NUP133: variants seen among roughly 807,000 people sequenced by gnomAD.
NUP133 encodes nucleoporin 133, also known as nuclear pore complex protein Nup133.
NUP133 carries 66 observed loss-of-function variants against 146.2 expected under a neutral mutation model. The observed-to-expected ratio is 0.45, with a 90% CI of 0.37 to 0.55. The LOEUF (loss-of-function observed/expected upper bound fraction) is 0.55, where lower values mean the gene tolerates loss of function less well. Ranked by LOEUF, NUP133 falls within the 20% of genes least tolerant of loss-of-function variation. The pLI is 0.00. For missense variants in NUP133, 1,277 were observed against 1,374.8 expected, an observed-to-expected ratio of 0.93 and a Z score of 1.12; for synonymous variants, 521 against 498.8, an observed-to-expected ratio of 1.04 and a Z score of -0.59.
chr1:229,445,076 A>T, intron 24 of NUP133, 74 bp from the exon 25 acceptor site: 1 of 1,140,458 alleles, frequency 8.8e-7, no homozygotes, highest in Non-Finnish European at 1.3e-6. Context: ...GTTTGCTATC[A>T]TGGTTTTATT....
At chr1:229,447,408 T>C (rs1660324579) in intron 24 of NUP133, among the ~76,000 whole-genome samples, 1 of 152,126 alleles carries the variant, frequency 6.6e-6, no homozygotes, top group South Asian at 2.1e-4. Flanking sequence ...TATTTGGTCT[T>C]CTTCTTCACC....
chr1:229,471,249 A>T (rs183456329), intron 14 of NUP133, among the ~76,000 whole-genome samples: 1 of 152,112 alleles, frequency 6.6e-6, no homozygotes, highest in Non-Finnish European at 1.5e-5. Context: ...CCTCCCAAGC[A>T]GCACGCCACC....
At chr1:229,467,878 T>C (rs911131793) in intron 15 of NUP133, among the ~76,000 whole-genome samples, 1 of 151,200 alleles carries the variant, frequency 6.6e-6, no homozygotes, top group African/African-American at 2.4e-5. Flanking sequence ...TGAGCAGAGA[T>C]TGTGTCACTG....
intron 5 of NUP133, 23 bp downstream of exon 5, chr1:229,499,661 A>T (rs1352304350): frequency 1.3e-6 from 2 of 1,585,508 alleles, no homozygotes; most frequent in Non-Finnish European, 1.7e-6. Flanking sequence ...TCCAATAAAT[A>T]TAAAGGAATA....
chr1:229,462,853 G>T (rs1660723710), intron 19 of NUP133, among the ~76,000 whole-genome samples: 1 of 152,100 alleles, frequency 6.6e-6, no homozygotes, highest in Non-Finnish European at 1.5e-5. Context: ...GGCTGGCTGG[G>T]AACTTTGTTT....
rs542990991 is a variant in NUP133 at position 229,490,882 on chromosome 1, T to C, written c.1047-780A>G. 3.2e-3 allele frequency among the ~76,000 whole-genome samples: 466 copies of C among 147,652 alleles called. 4 individuals are homozygous for C. Among genetic ancestry groups the C allele is most frequent in the Non-Finnish European group, 3.6e-3 (244 of 67,178 alleles). On this transcript the variant is annotated intron_variant, in intron 8 of 25. Transcript: ENST00000261396. ...CAGAAGAACTCTTGAACCCGGGAGG[T>C]GGAGGTTGCAGTGAGCTGAGATCGC...
At chr1:229,492,561 G>A (rs963873874) in intron 8 of NUP133, among the ~76,000 whole-genome samples, 1 of 151,854 alleles carries the variant, frequency 6.6e-6, no homozygotes, top group South Asian at 2.1e-4. Flanking sequence ...CCTTCTTCAC[G>A]GTTCTCTTCC....
chr1:229,478,934 G>T (rs1661142957), intron 12 of NUP133, among the ~76,000 whole-genome samples: 2 of 152,150 alleles, frequency 1.3e-5, no homozygotes. Context: ...CTGCAGAAAG[G>T]AAAAGACAGG....
In NUP133 at chr1:229,452,505, A is replaced by G. The variant is rs1361557243; in HGVS notation, c.3099+20T>C. ...GTTTTGAGTTTAAGAAATAGCGTTAAGGATTTGAAAAGCACATACACCAAT... is the reference window on the plus strand; with the variant it reads ...GTTTTGAGTTTAAGAAATAGCGTTAGGGATTTGAAAAGCACATACACCAAT... On this transcript the variant is annotated intron_variant, in intron 22 of 25. Coordinates refer to ENST00000261396, the MANE Select transcript of NUP133 (RefSeq NM_018230.3). 1 of 1,577,614 alleles carries G rather than the reference A, an allele frequency of 6.3e-7. No individual in the cohort carries two copies. The highest frequency in any genetic ancestry group is 8.7e-7 in the Non-Finnish European group (1 of 1,149,522).
Position 229,498,324 on chromosome 1 carries a change from GAGGTT to G in NUP133, c.649-23_649-19del. 1 of 1,557,872 alleles carries G rather than the reference GAGGTT, an allele frequency of 6.4e-7. No homozygotes were observed. Among genetic ancestry groups the G allele is most frequent in the Non-Finnish European group, 8.6e-7 (1 of 1,157,268 alleles). ...CTTCCTCCCTGTGAAAAAACATTATGAGGTTAGTTCAGTTTAGCATCGAATGCTAA... is the reference window on the plus strand; with the variant it reads ...CTTCCTCCCTGTGAAAAAACATTATGAGTTCAGTTTAGCATCGAATGCTAA... On this transcript the variant is annotated intron_variant, in intron 5 of 25. Transcript: ENST00000261396.
At chr1:229,490,445 T>C (rs889330838) in intron 8 of NUP133, among the ~76,000 whole-genome samples, 1 of 151,398 alleles carries the variant, frequency 6.6e-6, no homozygotes, top group Non-Finnish European at 1.5e-5. Flanking sequence ...AAGTGTATTA[T>C]GCTAAGTGAC....
rs766266269 is a variant in NUP133 at position 229,502,031 on chromosome 1, T to C, written c.373A>G (p.Ile125Val). 2.5e-6 allele frequency: 4 copies of C among 1,613,888 alleles called. No individual in the cohort carries two copies. The East Asian group carries it at 8.9e-5, about 36-fold the overall frequency. Reference protein sequence around the residue: ...ACLVCKEKLIIWKIALSPITK... With the variant: ...ACLVCKEKLIVWKIALSPITK... ...ATAGGTGACAGAGCAATCTTCCAAA[T>C]AATGAGCTTCTCTTTGCACACCAGA... The change falls in exon 3 of 26, where the codon ATT (isoleucine) becomes GTT (valine). Residue 125 changes from isoleucine to valine, a missense_variant. Physicochemically the swap from Ile to Val is conservative, Grantham distance 29 (BLOSUM62 3). Transcript: ENST00000261396.
In NUP133 at chr1:229,487,537, G is replaced by A; in HGVS notation, c.1271C>T (p.Ala424Val). The change falls in exon 10 of 26, where the codon GCT (alanine) becomes GTT (valine). Residue 424 changes from alanine to valine, a missense_variant. Ala to Val is a moderately conservative substitution (Grantham distance 64). Transcript: ENST00000261396. ...NQTAYLYNES[A>V]VYVCSTGTGK... is the part of the protein sequence containing the mutation. ...AGTTCCTGTGGAGCACACATAGACA[G>A]CACTTTCGTTATACAGATAGGCAGT... 1 of 1,613,628 alleles carries A rather than the reference G, an allele frequency of 6.2e-7. No homozygotes were observed. The highest frequency in any genetic ancestry group is 1.1e-5 in the South Asian group (1 of 90,998).
chr1:229,460,894 T>C (rs971801741), intron 19 of NUP133, 125 bp from the exon 20 acceptor site: 2 of 716,748 alleles, frequency 2.8e-6, no homozygotes, highest in African/African-American at 3.6e-5. Context: ...TAATTTCCTA[T>C]ATTGTAGGAT....
intron 11 of NUP133, 56 bp from the exon 12 acceptor site, chr1:229,484,201 T>C: frequency 3.0e-6 from 4 of 1,319,644 alleles, no homozygotes; most frequent in African/African-American, 1.5e-5. Context: ...TTCTTAATTA[T>C]TGGACTAAAA....
chr1:229,486,605 A>G (rs1661357010), intron 10 of NUP133, 77 bp from the exon 11 acceptor site: 2 of 1,378,212 alleles, frequency 1.5e-6, no homozygotes, highest in East Asian at 2.5e-5. Context: ...CACCCTAAGC[A>G]GAAAATCATC....
At chr1:229,486,896 G>C (rs1158282982) in intron 10 of NUP133, among the ~76,000 whole-genome samples, 1 of 145,854 alleles carries the variant, frequency 6.9e-6, no homozygotes, top group Non-Finnish European at 1.5e-5. Flanking sequence ...TCAGTCAATG[G>C]GGACTGGAAA....
At chr1:229,490,401 T>TA (rs201590753) in intron 8 of NUP133, among the ~76,000 whole-genome samples, 5,219 of 127,432 alleles carry the variant, frequency 0.041, 214 homozygotes, top group African/African-American at 0.11. Flanking sequence ...TATTCAGTAG[T>TA]AAAAAAAAAA....
chr1:229,495,592 C>G (rs752599347), intron 7 of NUP133, 27 bp from the exon 8 acceptor site: 1 of 1,484,608 alleles, frequency 6.7e-7, no homozygotes, highest in East Asian at 2.3e-5. Context: ...ATAATGTAAG[C>G]TTCTCAAGTG....
Sources: allele counts gnomAD v4.1 joint callset (sites outside exome capture counted in the v4.1 genomes callset), GRCh38; gene constraint gnomAD v4.1.1; transcripts MANE v1.5; gene names NCBI Gene and HGNC (gene_info 2026-07-23, HGNC 2026-07-21).